STXBP5L: variants seen among roughly 807,000 people sequenced by gnomAD.
STXBP5L encodes the protein syntaxin-binding protein 5-like.
A neutral mutation model predicts 144.5 loss-of-function variants in STXBP5L; 65 were observed. The observed-to-expected ratio is 0.45, with a 90% CI of 0.37 to 0.55. STXBP5L has a LOEUF of 0.55. STXBP5L is among the 20% of genes least tolerant of loss of function. The pLI is 0.00. For missense variants in STXBP5L, 1,298 were observed against 1,405.5 expected (o/e 0.92, Z 1.22); for synonymous variants, 505 against 469.6 (o/e 1.08, Z -0.97).
At chr3:121,006,810 G>A (rs554842066) in intron 3 of STXBP5L, among the ~76,000 whole-genome samples, 2 of 152,060 alleles carry the variant, frequency 1.3e-5, no homozygotes, top group Admixed American at 1.3e-4. Flanking sequence ...TCACTTATAG[G>A]CTTAGTTTGG....
intron 9 of STXBP5L, among the ~76,000 whole-genome samples, chr3:121,191,177 G>T (rs2047662679): frequency 6.6e-6 from 1 of 152,182 alleles, no homozygotes; most frequent in Non-Finnish European, 1.5e-5. Context: ...ACTTTGGGAG[G>T]CCAAGGCAGG....
intron 3 of STXBP5L, among the ~76,000 whole-genome samples, chr3:121,021,298 G>A (rs1945533354): frequency 6.6e-6 from 1 of 152,138 alleles, no homozygotes; most frequent in South Asian, 2.1e-4. Flanking sequence ...CAATGAGATA[G>A]ACAGCAGAAC....
chr3:121,401,214 G>A (rs1324569010), intron 22 of STXBP5L, among the ~76,000 whole-genome samples: 4 of 152,130 alleles, frequency 2.6e-5, no homozygotes, highest in Non-Finnish European at 5.9e-5. Flanking sequence ...TTTTAGCTGT[G>A]TGTCTCCCTT....
chr3:121,008,833 C>A (rs1283992753), intron 3 of STXBP5L, among the ~76,000 whole-genome samples: 1 of 151,872 alleles, frequency 6.6e-6, no homozygotes, highest in Non-Finnish European at 1.5e-5. Context: ...AGTGGTCCAG[C>A]ACAAGGAAAA....
chr3:121,203,412 C>G (rs1177933759), intron 9 of STXBP5L, among the ~76,000 whole-genome samples: 1 of 152,214 alleles, frequency 6.6e-6, no homozygotes, highest in African/African-American at 2.4e-5. Flanking sequence ...CATTATAGTA[C>G]TTCATATTGT....
chr3:121,052,405 G>A (rs1481065987), intron 5 of STXBP5L, among the ~76,000 whole-genome samples: 2 of 152,148 alleles, frequency 1.3e-5, no homozygotes, highest in Non-Finnish European at 2.9e-5. Flanking sequence ...CCATGATCAA[G>A]TGGGCTTCAT....
intron 5 of STXBP5L, among the ~76,000 whole-genome samples, chr3:121,052,846 C>T (rs1315011449): frequency 1.3e-5 from 2 of 152,058 alleles, no homozygotes; most frequent in Non-Finnish European, 2.9e-5. Context: ...TCTAGAAAAC[C>T]CCATTGTCTC....
intron 19 of STXBP5L, among the ~76,000 whole-genome samples, chr3:121,301,450 G>A (rs2108490774): frequency 1.3e-5 from 2 of 152,310 alleles, no homozygotes; most frequent in East Asian, 3.9e-4. Flanking sequence ...TTTGGGCTGA[G>A]ATGATGGGGT....
At chr3:121,331,326 G>T (rs755965859) in intron 20 of STXBP5L, among the ~76,000 whole-genome samples, 1 of 152,214 alleles carries the variant, frequency 6.6e-6, no homozygotes, top group African/African-American at 2.4e-5. Flanking sequence ...GCTCGCCACT[G>T]CAGACACAGT....
intron 20 of STXBP5L, among the ~76,000 whole-genome samples, chr3:121,321,303 G>T (rs967837631): frequency 6.6e-6 from 1 of 152,046 alleles, no homozygotes; most frequent in East Asian, 1.9e-4. Flanking sequence ...TATGTGAAAT[G>T]CATCCTTCTG....
intron 2 of STXBP5L, among the ~76,000 whole-genome samples, chr3:120,917,852 A>G (rs1299423336): frequency 6.6e-6 from 1 of 152,252 alleles, no homozygotes; most frequent in Non-Finnish European, 1.5e-5. Context: ...ATGTGATTCT[A>G]TGAGAAGATC....
intron 5 of STXBP5L, among the ~76,000 whole-genome samples, chr3:121,063,284 G>T (rs1190393287): frequency 6.6e-6 from 1 of 152,194 alleles, no homozygotes; most frequent in Non-Finnish European, 1.5e-5. Context: ...GAGTTTGCTG[G>T]AGGTCTACTG....
chr3:120,935,715 C>T (rs1207994471), intron 2 of STXBP5L, among the ~76,000 whole-genome samples: 1 of 151,802 alleles, frequency 6.6e-6, no homozygotes, highest in Non-Finnish European at 1.5e-5. Flanking sequence ...TTGCATTGTT[C>T]CTGAAGAGAA....
chr3:120,944,432 A>G (rs1389058862), intron 2 of STXBP5L, among the ~76,000 whole-genome samples: 1 of 151,732 alleles, frequency 6.6e-6, no homozygotes, highest in Non-Finnish European at 1.5e-5. Flanking sequence ...GAAGAGAAAA[A>G]AGTTAGATAT....
At chr3:121,003,531 T>C (rs539005784) in intron 3 of STXBP5L, among the ~76,000 whole-genome samples, 1 of 152,340 alleles carries the variant, frequency 6.6e-6, no homozygotes, top group African/African-American at 2.4e-5. Flanking sequence ...TAGTTTCTTT[T>C]GCTGTGCAGA....
chr3:121,065,998 C>T (rs1298814580), intron 5 of STXBP5L, among the ~76,000 whole-genome samples: 3 of 152,148 alleles, frequency 2.0e-5, no homozygotes, highest in Non-Finnish European at 4.4e-5. Context: ...TGCTTCAAAA[C>T]CAATAAGGGT....
In STXBP5L at chr3:121,155,604, T is replaced by A. The variant is rs142238317; in HGVS notation, c.754-1900T>A. Among the ~76,000 whole-genome samples, 11 of 151,964 alleles carry A rather than the reference T, an allele frequency of 7.2e-5. 1 individual carries two copies. In the East Asian group the frequency reaches 1.3e-3, roughly 19 times the overall value. On this transcript the variant is annotated intron_variant, in intron 8 of 26. Transcript: ENST00000471454. ...TTGGATTAGTTGTATTATATTTGTT[T>A]TTTTCAGTAAGCCCTCTGAGCCCCC...
At chr3:121,018,890 T>A (rs1002203237) in intron 3 of STXBP5L, among the ~76,000 whole-genome samples, 5 of 151,992 alleles carry the variant, frequency 3.3e-5, no homozygotes, top group African/African-American at 1.2e-4. Flanking sequence ...TTGAAGGAGG[T>A]GGATTGCTGC....
intron 9 of STXBP5L, among the ~76,000 whole-genome samples, chr3:121,204,200 C>T (rs1253111238): frequency 6.6e-6 from 1 of 152,126 alleles, no homozygotes; most frequent in African/African-American, 2.4e-5. Context: ...GATCGCACCA[C>T]TGCACTCCAG....
Sources: gnomAD v4.1 joint callset for allele counts (sites outside exome capture counted in the v4.1 genomes callset) on GRCh38, gnomAD v4.1.1 for gene constraint, MANE v1.5 for transcripts, NCBI Gene and HGNC (gene_info 2026-07-23, HGNC 2026-07-21) for gene names.